NPTX1: variants seen among roughly 807,000 people sequenced by gnomAD.
NPTX1 encodes the protein neuronal pentraxin-1.
NPTX1 carries 12 observed loss-of-function variants against 38.7 expected under a neutral mutation model. That is an observed-to-expected ratio of 0.31 (90% CI 0.20 to 0.50). The LOEUF is 0.50. NPTX1 is among the 20% of genes least tolerant of loss of function. The probability of loss-of-function intolerance (pLI) is 0.98; values close to 1 mark genes in which losing one functional copy is unlikely to be tolerated. For synonymous variants in NPTX1, 272 were observed against 264.9 expected (o/e 1.03, Z -0.26); for missense variants, 454 against 592.2 (o/e 0.77, Z 2.42).
chr17:80,473,099 C>T (rs2083851644), intron 3 of NPTX1, 101 bp downstream of exon 3: 1 of 1,449,786 alleles, frequency 6.9e-7, no homozygotes, highest in South Asian at 1.3e-5. Context: ...CTTGGGGCCC[C>T]ATCAACATCT....
rs2083883569 is a variant in NPTX1, at chr17:80,476,439, G to A, written c.8C>T (p.Ala3Val). ...CGCACAGGTGCGCGCGGCGCGGCCG[G>A]CCGGCATGGCTGCGGGCACCGGGCG... MP[A>V]GRAARTCALL... The change falls in exon 1 of 5, where the codon GCC becomes GTC. Residue 3 changes from alanine to valine, a missense_variant. Physicochemically the swap from Ala to Val is moderately conservative, Grantham distance 64. This residue lies in a region of NPTX1 where 288 missense variants were observed against 318.4 expected (regional missense o/e 0.90). Transcript: ENST00000306773. This position sits in a 1 kb window ranked among gnomAD's most constrained non-coding sequence, Gnocchi z 6.3. 10 of 1,320,338 alleles carry A rather than the reference G, an allele frequency of 7.6e-6. No homozygotes were observed. The East Asian group carries it at 2.9e-4, about 38-fold the overall frequency. The allele number at this position is 1,320,338 out of a possible 1,614,324, so 81.8% of individuals were successfully genotyped here.
At position 80,470,857 on chromosome 17, in the gene NPTX1, C is replaced by G; in HGVS notation, c.1255G>C (p.Gly419Arg). The G allele has an allele frequency of 1.2e-6, 2 of 1,607,614 alleles. No individual in the cohort carries two copies. The highest frequency in any genetic ancestry group is 1.1e-5 in the South Asian group (1 of 90,934). The change falls in exon 5 of 5, where the codon GGG (glycine) becomes CGG (arginine). Residue 419 changes from glycine to arginine, a missense_variant. Around this residue, in one of 4 missense-constraint regions of NPTX1, gnomAD observed 50 missense variants for 54.0 expected, o/e 0.93. Transcript: ENST00000306773. The stretch of plus-strand genomic sequence containing the variant: ...GCCTCGAAGGTCCACTTGGTGGCCC[C>G]TCCGTAGATCTCGATGTGGGATTCA... ...WAESHIEIYG[G>R]ATKWTFEACR... is the part of the protein sequence containing the mutation.
chr17:80,471,906 G>A lies in NPTX1; in HGVS notation c.903C>T (p.Ala301=). 1 of 1,610,868 alleles carries A rather than the reference G, an allele frequency of 6.2e-7. No homozygotes were observed. The change falls in exon 4 of 5, where the codon GCC becomes GCT. Residue 301 remains alanine, a synonymous_variant. Transcript: ENST00000306773. ...PMEILINDKV[A]KLPFVINDGK... The stretch of plus-strand genomic sequence containing the variant: ...CATCATTGATGACAAAAGGCAACTT[G>A]GCCACCTGGGAAGGAGAATGACAGA...
At position 80,473,697 on chromosome 17, in the gene NPTX1, G is replaced by A. The variant is rs568238810; in HGVS notation, c.653-253C>T. The A allele has an allele frequency of 2.3e-5, 12 of 513,194 alleles. 1 individual carries two copies. The highest frequency in any genetic ancestry group is 3.9e-5 in the Non-Finnish European group (11 of 283,382). The allele number at this position is 513,194 out of a possible 1,614,324, so 31.8% of individuals were successfully genotyped here. Reference sequence around the variant, plus strand: ...GTCACGCCCATGTGCTGGCATCCTTGGGGAGATGGGGGTGGGGGGCAGTGC... The same window carrying A: ...GTCACGCCCATGTGCTGGCATCCTTAGGGAGATGGGGGTGGGGGGCAGTGC... On this transcript the variant is annotated intron_variant, in intron 2 of 4. Coordinates refer to ENST00000306773, the MANE Select transcript of NPTX1 (RefSeq NM_002522.4).
chr17:80,476,064 T>A lies in NPTX1; in HGVS notation c.383A>T (p.Glu128Val). 6.2e-7 allele frequency: 1 copy of A among 1,608,458 alleles called. No individual in the cohort carries two copies. The highest frequency in any genetic ancestry group is 8.5e-7 in the Non-Finnish European group (1 of 1,178,422). The change falls in exon 1 of 5, where the codon GAG becomes GTG. Residue 128 changes from glutamate (E) to valine (V), a missense_variant. Physicochemically the swap from Glu to Val is moderately radical, Grantham distance 121 (BLOSUM62 -2). This residue lies in a region of NPTX1 where 288 missense variants were observed against 318.4 expected (regional missense o/e 0.90). Transcript: ENST00000306773. This position sits in a 1 kb window ranked among gnomAD's most constrained non-coding sequence, Gnocchi z 6.3. Reference sequence around the variant, plus strand: ...AGTTTGCCCGAGTTGGCTGAGCGTCTCGGCGGCCGGTGTCCGGGACAGGTC... The same window carrying A: ...AGTTTGCCCGAGTTGGCTGAGCGTCACGGCGGCCGGTGTCCGGGACAGGTC... ...MGDLSRTPAA[E>V]TLSQLGQTLQ...
At position 80,475,362 on chromosome 17, in the gene NPTX1, CG is replaced by C. The variant is rs1210532386; in HGVS notation, c.652+148del. ...GAAGCCCAGAACCTGGGAAGGGGTG[CG>C]GGGAATGAGAAAGCGGTGCAGGGGT... On this transcript the variant is annotated intron_variant, in intron 2 of 4. Coordinates refer to ENST00000306773, the MANE Select transcript of NPTX1 (RefSeq NM_002522.4). The surrounding 1 kb of genome is among the most constrained non-coding windows in gnomAD (Gnocchi z 6.5). 4.8e-6 allele frequency: 3 copies of C among 622,606 alleles called. No individual in the cohort carries two copies. The highest frequency in any genetic ancestry group is 8.2e-6 in the Non-Finnish European group (3 of 363,858). 38.6% of individuals were successfully genotyped at this position (622,606 alleles called of 1,614,324 possible).
At position 80,467,126 on chromosome 17, in the gene NPTX1, C is replaced by CTTTTTTTTT. The variant is rs57367856; in HGVS notation, c.*3678_*3686dup. 3 of 79,100 alleles carry CTTTTTTTTT rather than the reference C, an allele frequency of 3.8e-5. No homozygotes were observed. Among genetic ancestry groups the CTTTTTTTTT allele is most frequent in the African/African-American group, 5.0e-5 (1 of 19,888 alleles). The allele number at this position is 79,100 out of a possible 1,614,324, so 4.9% of individuals were successfully genotyped here. ...AACAATATCAACCATAGGGGGTTTG[C>CTTTTTTTTT]TTTTTTTTTTTTTTTTTTTTTGGCA... is the stretch of plus-strand genomic sequence containing the variant. On this transcript the variant is annotated 3_prime_UTR_variant, in exon 5 of 5. Coordinates refer to ENST00000306773, the MANE Select transcript of NPTX1 (RefSeq NM_002522.4).
intron 3 of NPTX1, 49 bp from the exon 4 acceptor site, chr17:80,471,960 C>T: frequency 6.6e-7 from 1 of 1,515,816 alleles, no homozygotes; most frequent in African/African-American, 1.4e-5. Flanking sequence ...GGGGTACAGC[C>T]CAGAAGCCAT....
chr17:80,473,880 G>A (rs556027893), intron 2 of NPTX1: 14 of 200,830 alleles, frequency 7.0e-5, no homozygotes, highest in African/African-American at 2.6e-4. Flanking sequence ...AGGATGGGGC[G>A]GGGCTCAGAG....
intron 2 of NPTX1, 125 bp from the exon 3 acceptor site, chr17:80,473,569 A>AC: frequency 3.1e-6 from 3 of 976,868 alleles, no homozygotes; most frequent in Non-Finnish European, 4.7e-6. Flanking sequence ...CATTCTGGAG[A>AC]CGCAGAGCGG....
chr17:80,472,712 A>C (rs2083849026), intron 3 of NPTX1, among the ~76,000 whole-genome samples: 1 of 152,192 alleles, frequency 6.6e-6, no homozygotes, highest in African/African-American at 2.4e-5. Flanking sequence ...TGTTCACTAG[A>C]GGGAAAGGCT....
In NPTX1 at chr17:80,475,456, C is replaced by CGGGATCGGGACCG. The variant is rs766624310; in HGVS notation, c.652+54_652+55insCGGTCCCGATCCC. 123,524 of 1,445,744 alleles carry CGGGATCGGGACCG rather than the reference C, an allele frequency of 0.085. 6,459 individuals are homozygous for CGGGATCGGGACCG. The highest frequency in any genetic ancestry group is 0.18 in the South Asian group (14,248 of 80,568). 89.6% of individuals were successfully genotyped at this position (1,445,744 alleles called of 1,614,324 possible). A position where few individuals can be genotyped will look rare whatever the true frequency, so the allele number is the denominator to read the frequency against. ...GGGCTGTTAGGGATCGGGACCGAGG[C>CGGGATCGGGACCG]AGGGTCGGGCAAGCAGGTGCAGGCA... On this transcript the variant is annotated intron_variant, in intron 2 of 4. Transcript: ENST00000306773. The surrounding 1 kb of genome is among the most constrained non-coding windows in gnomAD (Gnocchi z 6.5).
Position 80,476,140 on chromosome 17 carries a change from G to C in NPTX1, c.307C>G (p.Arg103Gly). The C allele has an allele frequency of 6.3e-7, 1 of 1,596,406 alleles. No homozygotes were observed. The highest frequency in any genetic ancestry group is 1.4e-5 in the African/African-American group (1 of 73,966). Residue 103 changes from arginine (R) to glycine (G), a missense_variant, in exon 1 of 5, where the codon CGG (arginine) becomes GGG (glycine). By Grantham distance (125) the Arg-to-Gly change is moderately radical. Coordinates refer to ENST00000306773, the MANE Select transcript of NPTX1 (RefSeq NM_002522.4). This position sits in a 1 kb window ranked among gnomAD's most constrained non-coding sequence, Gnocchi z 6.3. Reference sequence around the variant, plus strand: ...GGCTGCTTGCGGCCGCCGCCCGCCCGGGCCTCGCCGGCTCCGGGGTCCAGC... The same window carrying C: ...GGCTGCTTGCGGCCGCCGCCCGCCCCGGCCTCGCCGGCTCCGGGGTCCAGC... ...STLDPGAGEARAGGGRKQPGS... is the reference protein window; with the variant it reads ...STLDPGAGEAGAGGGRKQPGS...
In NPTX1 at chr17:80,470,980, G is replaced by A; in HGVS notation, c.1132C>T (p.His378Tyr). The A allele has an allele frequency of 6.2e-7, 1 of 1,613,248 alleles. No individual in the cohort carries two copies. The highest frequency in any genetic ancestry group is 8.5e-7 in the Non-Finnish European group (1 of 1,179,382). The change falls in exon 5 of 5, where the codon CAC becomes TAC. Residue 378 changes from histidine to tyrosine, a missense_variant. Coordinates refer to ENST00000306773, the MANE Select transcript of NPTX1 (RefSeq NM_002522.4). ...ATQAFVGELA[H>Y]FNIWDRKLTP... ...AGCTTGCGGTCCCAGATGTTGAAGT[G>A]GGCCAGCTCACCCACAAATGCCTGG...
At chr17:80,473,765 G>A in intron 2 of NPTX1, 1 of 367,726 alleles carries the variant, frequency 2.7e-6, no homozygotes, top group Admixed American at 4.3e-5. Flanking sequence ...TGGTGGGCAT[G>A]AGAAGGGAAT....
rs753425909 is a variant in NPTX1 at position 80,471,070 on chromosome 17, C to T, written c.1078-36G>A. On this transcript the variant is annotated intron_variant, in intron 4 of 4. Transcript: ENST00000306773. Reference sequence around the variant, plus strand: ...AAACAGAGGATGAGAGTGGAGGGGTCGCCAGGTGGTCTGGGGGCCCATCCC... The same window carrying T: ...AAACAGAGGATGAGAGTGGAGGGGTTGCCAGGTGGTCTGGGGGCCCATCCC... 22 of 1,518,258 alleles carry T rather than the reference C, an allele frequency of 1.4e-5. No homozygotes were observed. In the South Asian group the frequency reaches 1.7e-4, roughly 12 times the overall value. 94.0% of individuals were successfully genotyped at this position (1,518,258 alleles called of 1,614,324 possible). A position where few individuals can be genotyped will look rare whatever the true frequency, so the allele number is the denominator to read the frequency against.
Position 80,476,193 on chromosome 17 carries a change from T to A in NPTX1, c.254A>T (p.Lys85Met). ...GCTCTGGCTCTCGCAGCGGCCCAGC[T>A]TGGCGGTCAGCTCGCGGATGGTCTC... ...QKETIRELTA[K>M]LGRCESQSTL... Residue 85 changes from lysine to methionine, a missense_variant, in exon 1 of 5, where the codon AAG becomes ATG. Lys to Met is a moderately conservative substitution (Grantham distance 95). Coordinates refer to ENST00000306773, the MANE Select transcript of NPTX1 (RefSeq NM_002522.4). The surrounding 1 kb of genome is among the most constrained non-coding windows in gnomAD (Gnocchi z 6.3). The A allele has an allele frequency of 6.3e-7, 1 of 1,578,772 alleles. No individual in the cohort carries two copies.
At chr17:80,473,076 G>C in intron 3 of NPTX1, 124 bp downstream of exon 3, 1 of 1,071,808 alleles carries the variant, frequency 9.3e-7, no homozygotes, top group Non-Finnish European at 1.3e-6. Flanking sequence ...AGTCCCACCT[G>C]GCAAACACTT....
At position 80,470,764 on chromosome 17, in the gene NPTX1, C is replaced by T. The variant is rs373433261; in HGVS notation, c.*49G>A. The T allele has an allele frequency of 6.0e-5, 77 of 1,290,092 alleles. 1 individual carries two copies. The highest frequency in any genetic ancestry group is 6.8e-5 in the Non-Finnish European group (62 of 917,590). 79.9% of individuals were successfully genotyped at this position (1,290,092 alleles called of 1,614,324 possible). A position where few individuals can be genotyped will look rare whatever the true frequency, so the allele number is the denominator to read the frequency against. The stretch of plus-strand genomic sequence containing the variant: ...AGAGACGCACAAAACAGATCATCGC[C>T]GCACAAGCAGGGGGCGAGGGCGGGC... On this transcript the variant is annotated 3_prime_UTR_variant, in exon 5 of 5. Transcript: ENST00000306773.
Sources: gnomAD v4.1 joint callset for allele counts (sites outside exome capture counted in the v4.1 genomes callset) on GRCh38, gnomAD v4.1.1 for gene constraint, gnomAD v4.1.1 regional missense constraint, Gnocchi (gnomAD v3.1) non-coding constraint, MANE v1.5 for transcripts, NCBI Gene and HGNC (gene_info 2026-07-23, HGNC 2026-07-21) for gene names.